The following SPTLC2 variants were observed in gnomAD, a reference collection of about 807,000 sequenced individuals.
SPTLC2 encodes the protein serine palmitoyltransferase long chain base subunit 2.
Under a neutral mutation model 62.0 loss-of-function variants are expected in SPTLC2, and 21 were observed. The ratio of observed to expected loss-of-function variants is 0.34; its 90% CI spans 0.24 to 0.49. The LOEUF is 0.49. Ranked by LOEUF, SPTLC2 falls within the 20% of genes least tolerant of loss-of-function variation. The probability of loss-of-function intolerance (pLI) is 0.99; values close to 1 mark genes in which losing one functional copy is unlikely to be tolerated. For missense variants in SPTLC2, 511 were observed against 713.0 expected (o/e 0.72, Z 3.23); for synonymous variants, 261 against 261.8 (o/e 1.00, Z 0.03).
rs2079529210 is a variant in SPTLC2 at position 77,546,610 on chromosome 14, A to T, written c.1303+5486T>A. On this transcript the variant is annotated intron_variant, in intron 9 of 11. Coordinates refer to ENST00000216484, the MANE Select transcript of SPTLC2 (RefSeq NM_004863.4). ...AGTTCTTCCCGGGAATCTTACCCCT[A>T]CCACTGGACTGTTTTTTCAAAGGCA... Among the ~76,000 whole-genome samples, 4 of 152,256 alleles carry T rather than the reference A, an allele frequency of 2.6e-5. No homozygotes were observed. In the East Asian group the frequency reaches 7.7e-4, roughly 29 times the overall value.
rs938914699 is a variant in SPTLC2, at chr14:77,509,329, C to T, written c.*2955G>A. 6 of 151,984 alleles carry T rather than the reference C, an allele frequency of 3.9e-5. No homozygotes were observed. The highest frequency in any genetic ancestry group is 3.9e-4 in the Admixed American group (6 of 15,222). 9.4% of individuals were successfully genotyped at this position (151,984 alleles called of 1,614,324 possible). A position where few individuals can be genotyped will look rare whatever the true frequency, so the allele number is the denominator to read the frequency against. On this transcript the variant is annotated 3_prime_UTR_variant, in exon 12 of 12. Transcript: ENST00000216484. ...AAAAAAAAAAGATGCGAGGAGAAAC[C>T]GCCACTGCTGCTTGGTCCACTCCTC...
At chr14:77,553,469 C>T (rs183614775) in intron 8 of SPTLC2, among the ~76,000 whole-genome samples, 1 of 152,218 alleles carries the variant, frequency 6.6e-6, no homozygotes, top group East Asian at 1.9e-4. Context: ...CAGTGGCTCA[C>T]ACCTGTAATC....
Position 77,521,463 on chromosome 14 carries a change from G to A in SPTLC2, c.1422C>T (p.Tyr474=). 1 of 1,614,158 alleles carries A rather than the reference G, an allele frequency of 6.2e-7. No homozygotes were observed. The highest frequency in any genetic ancestry group is 2.2e-5 in the East Asian group (1 of 44,872). The stretch of plus-strand genomic sequence containing the variant: ...AAACGTACCCAATTTTGGCAGGCAT[G>A]TAGAGCATCAAAGGCACTACTGGAG... The part of the protein sequence containing the change: ...EDSPVVPLML[Y]MPAKIGAFGR... Residue 474 remains tyrosine (Y), a synonymous_variant, in exon 10 of 12, where the codon TAC becomes TAT. Transcript: ENST00000216484.
At chr14:77,551,962 C>A (rs535491519) in intron 9 of SPTLC2, 134 bp downstream of exon 9, 2 of 1,350,780 alleles carry the variant, frequency 1.5e-6, no homozygotes, top group East Asian at 2.5e-5. Context: ...AAAAAGTGTC[C>A]ATGGAAACCA....
At chr14:77,551,302 A>G (rs1161687906) in intron 9 of SPTLC2, among the ~76,000 whole-genome samples, 1 of 142,766 alleles carries the variant, frequency 7.0e-6, no homozygotes, top group Admixed American at 7.5e-5. Context: ...GCTGAGGCAG[A>G]ATGGTGTGAA....
At chr14:77,585,032 G>A (rs1007978395) in intron 2 of SPTLC2, among the ~76,000 whole-genome samples, 3 of 152,206 alleles carry the variant, frequency 2.0e-5, no homozygotes, top group Admixed American at 1.3e-4. Flanking sequence ...CTGGCAGTGC[G>A]ACAGTTGTGA....
intron 9 of SPTLC2, chr14:77,535,777 G>T: frequency 3.0e-6 from 1 of 329,236 alleles, no homozygotes; most frequent in Non-Finnish European, 5.9e-6. Context: ...AAGCATTTTT[G>T]CTTGACTGAT....
intron 6 of SPTLC2, among the ~76,000 whole-genome samples, chr14:77,561,848 C>T (rs192958926): frequency 6.6e-5 from 10 of 152,184 alleles, no homozygotes; most frequent in African/African-American, 2.4e-4. Flanking sequence ...GTTTGGTCAC[C>T]TTTTCTGCCT....
chr14:77,597,261 A>G lies in SPTLC2; in HGVS notation c.252T>C (p.Phe84=). Residue 84 remains phenylalanine (F), a synonymous_variant, in exon 2 of 12, where the codon TTT becomes TTC. Transcript: ENST00000216484. The stretch of plus-strand genomic sequence containing the variant: ...ACCTCAAGAAATCTCGAAGATATCC[A>G]AAGAGGGTGAGTACGCCATACCCCA... ...TYVGYGVLTL[F]GYLRDFLRYW... The G allele has an allele frequency of 4.3e-6, 7 of 1,614,190 alleles. No individual in the cohort carries two copies. The highest frequency in any genetic ancestry group is 5.9e-6 in the Non-Finnish European group (7 of 1,180,022).
rs150980941 is a variant in SPTLC2, at chr14:77,557,306, T to C, written c.851-160A>G. On this transcript the variant is annotated intron_variant, in intron 6 of 11. Coordinates refer to ENST00000216484, the MANE Select transcript of SPTLC2 (RefSeq NM_004863.4). ...AAAGCAGGGCAAAATAGGTGAATTA[T>C]TGCCACCTTGAATTGAAATCCAAAA... 118 of 638,108 alleles carry C rather than the reference T, an allele frequency of 1.8e-4. No individual in the cohort carries two copies. In the East Asian group the frequency reaches 3.0e-3, roughly 16 times the overall value. 39.5% of individuals were successfully genotyped at this position (638,108 alleles called of 1,614,324 possible).
intron 9 of SPTLC2, among the ~76,000 whole-genome samples, chr14:77,536,505 T>C (rs933346567): frequency 1.3e-5 from 2 of 152,292 alleles, no homozygotes; most frequent in African/African-American, 4.8e-5. Context: ...TTTTTTAGTA[T>C]AGAGTTCTGC....
chr14:77,556,990 A>G (rs1442244028), intron 7 of SPTLC2, 51 bp downstream of exon 7: 5 of 1,501,082 alleles, frequency 3.3e-6, no homozygotes, highest in South Asian at 1.1e-5. Context: ...AAAAAATTCT[A>G]TGACTTCATG....
chr14:77,575,491 G>A (rs187707767), intron 4 of SPTLC2, among the ~76,000 whole-genome samples: 2 of 152,270 alleles, frequency 1.3e-5, no homozygotes, highest in African/African-American at 2.4e-5. Flanking sequence ...TTTGGGACCT[G>A]TACAGCTAGG....
chr14:77,549,928 T>C (rs17751692), intron 9 of SPTLC2, among the ~76,000 whole-genome samples: 35,453 of 152,168 alleles, frequency 0.23, 4,867 homozygotes, highest in Middle Eastern at 0.38. Context: ...CTCTTAGCCA[T>C]TTCTTAGTCA....
intron 5 of SPTLC2, among the ~76,000 whole-genome samples, chr14:77,566,094 T>G (rs2079643428): frequency 6.6e-6 from 1 of 152,158 alleles, no homozygotes; most frequent in Non-Finnish European, 1.5e-5. Flanking sequence ...AAATTTTATT[T>G]TCTTCTCTTT....
chr14:77,579,129 T>A lies in SPTLC2; in HGVS notation c.328-20A>T. ...AAAGTCCTGCCAAGAAATGGTGACA[T>A]ACCATAAATTTAACTGAGTTACTTT... On this transcript the variant is annotated intron_variant, in intron 2 of 11. Coordinates refer to ENST00000216484, the MANE Select transcript of SPTLC2 (RefSeq NM_004863.4). The A allele has an allele frequency of 6.2e-7, 1 of 1,613,628 alleles. No homozygotes were observed. Among genetic ancestry groups the A allele is most frequent in the Non-Finnish European group, 8.5e-7 (1 of 1,179,722 alleles).
chr14:77,516,375 G>A (rs1248211668), intron 11 of SPTLC2, among the ~76,000 whole-genome samples: 1 of 152,148 alleles, frequency 6.6e-6, no homozygotes, highest in African/African-American at 2.4e-5. Context: ...AGAAGTCAAA[G>A]TTGTGGTCAG....
intron 2 of SPTLC2, among the ~76,000 whole-genome samples, chr14:77,592,462 A>G (rs1328911449): frequency 1.3e-5 from 2 of 152,136 alleles, no homozygotes; most frequent in African/African-American, 4.8e-5. Flanking sequence ...GGAGGCCAAG[A>G]ATAAAATCCC....
At chr14:77,583,625 G>A (rs1256162706) in intron 2 of SPTLC2, among the ~76,000 whole-genome samples, 2 of 151,880 alleles carry the variant, frequency 1.3e-5, no homozygotes, top group African/African-American at 4.8e-5. Flanking sequence ...TTTAGTTAAG[G>A]CTTATGTAAT....
Sources: gnomAD v4.1 joint callset for allele counts (sites outside exome capture counted in the v4.1 genomes callset) on GRCh38, gnomAD v4.1.1 for gene constraint, MANE v1.5 for transcripts, NCBI Gene and HGNC (gene_info 2026-07-23, HGNC 2026-07-21) for gene names.